The following NCAPD3 variants were observed in gnomAD, a reference collection of about 807,000 sequenced individuals.
The protein encoded by NCAPD3 is non-SMC condensin II complex subunit D3, also known as condensin-2 complex subunit D3.
NCAPD3 carries 105 observed loss-of-function variants against 182.9 expected under a neutral mutation model. That is an observed-to-expected ratio of 0.57 (90% confidence interval 0.49 to 0.68). The LOEUF (loss-of-function observed/expected upper bound fraction) is 0.68. Ranked by LOEUF, NCAPD3 falls within the 30% of genes least tolerant of loss-of-function variation. The probability of loss-of-function intolerance (pLI) is 0.00; values close to 1 mark genes in which losing one functional copy is unlikely to be tolerated. For synonymous variants in NCAPD3, 815 were observed against 679.9 expected, an observed-to-expected ratio of 1.20 and a Z score of -3.09; for missense variants, 1,944 against 1,837.0, an observed-to-expected ratio of 1.06 and a Z score of -1.07.
chr11:134,224,039 C>A, upstream of NCAPD3: 4 of 1,292,754 alleles, frequency 3.1e-6, no homozygotes, highest in Non-Finnish European at 3.2e-6. Flanking sequence ...TCCCACTGGC[C>A]AACCACCGCG....
chr11:134,168,786 T>A, intron 25 of NCAPD3, 131 bp downstream of exon 25: 3 of 1,400,980 alleles, frequency 2.1e-6, no homozygotes, highest in Non-Finnish European at 9.7e-7. Flanking sequence ...TCTTACGCCA[T>A]CCTGCCAAGC....
Position 134,209,221 on chromosome 11 carries a change from T to A in NCAPD3, c.733-15A>T, listed in dbSNP as rs372023607. 1.4e-5 allele frequency: 23 copies of A among 1,611,738 alleles called. No homozygotes were observed. Among genetic ancestry groups the A allele is most frequent in the Non-Finnish European group, 1.9e-5 (22 of 1,178,970 alleles). On this transcript the variant is annotated splice_polypyrimidine_tract_variant and intron_variant, in intron 5 of 34. Transcript: ENST00000534548. ...GAAACAAAGACCTAGAAAACAGATA[T>A]GAAGAAAAGGCCTGATTTTTTCTAC...
Position 134,185,493 on chromosome 11 carries a change from G to C in NCAPD3, c.2079C>G (p.Ser693=), listed in dbSNP as rs929135446. The change falls in exon 17 of 35, where the codon TCC becomes TCG. Residue 693 remains serine, a synonymous_variant. Transcript: ENST00000534548. ...AAGTGGGTGAGAATTTTTCTTTCTTGGACCAGATATGAAAAGCCTTATTTA... is the reference window on the plus strand; with the variant it reads ...AAGTGGGTGAGAATTTTTCTTTCTTCGACCAGATATGAAAAGCCTTATTTA... ...RYLNKAFHIW[S]KKEKFSPTFI... is the part of the protein sequence containing the mutation. The C allele has an allele frequency of 6.2e-7, 1 of 1,608,006 alleles. No homozygotes were observed.
At chr11:134,217,932 C>T (rs948342992) in intron 2 of NCAPD3, among the ~76,000 whole-genome samples, 1 of 151,934 alleles carries the variant, frequency 6.6e-6, no homozygotes, top group Non-Finnish European at 1.5e-5. Context: ...GACCTTGTCT[C>T]CACAAAAAAT....
At position 134,217,095 on chromosome 11, in the gene NCAPD3, T is replaced by C. The variant is rs937324442; in HGVS notation, c.223A>G (p.Ile75Val). 8 of 1,608,536 alleles carry C rather than the reference T, an allele frequency of 5.0e-6. No homozygotes were observed. The highest frequency in any genetic ancestry group is 1.7e-5 in the Admixed American group (1 of 58,828). ...ATGEHGSMES[I>V]WTFFIENNVS... ...TTGTTCTCAATGAAGAAGGTCCAGA[T>C]ACTCTGTGGGGAGACCGCAAATCAC... The change falls in exon 3 of 35, where the codon ATC (isoleucine) becomes GTC (valine). Residue 75 changes from isoleucine to valine, a missense_variant. By Grantham distance (29) the Ile-to-Val change is conservative. Around this residue, in one of 3 missense-constraint regions of NCAPD3, gnomAD observed 131 missense variants for 133.9 expected, o/e 0.98. Coordinates refer to ENST00000534548, the MANE Select transcript of NCAPD3 (RefSeq NM_015261.3).
At chr11:134,194,274 A>G (rs1395453509) in intron 14 of NCAPD3, 124 bp from the exon 15 acceptor site, 2 of 986,232 alleles carry the variant, frequency 2.0e-6, no homozygotes, top group African/African-American at 1.6e-5. Flanking sequence ...CATGGATCCA[A>G]CCTTCCTCCT....
chr11:134,184,672 A>G lies in NCAPD3; in HGVS notation c.2416T>C (p.Cys806Arg). Residue 806 changes from cysteine to arginine, a missense_variant, in exon 19 of 35, where the codon TGT (cysteine) becomes CGT (arginine). Cys to Arg is a radical substitution (Grantham distance 180). Around this residue, in one of 3 missense-constraint regions of NCAPD3, gnomAD observed 1,803 missense variants for 1,674.6 expected, o/e 1.08. Coordinates refer to ENST00000534548, the MANE Select transcript of NCAPD3 (RefSeq NM_015261.3). ...SSAVDALQRL[C>R]RASAETPAEE... ...GCTGGTGTCTCTGCAGATGCTCTAC[A>G]AAGCCTCTGCAAGGCGTCAACAGCT... 6.2e-7 allele frequency: 1 copy of G among 1,613,942 alleles called. No homozygotes were observed. Among genetic ancestry groups the G allele is most frequent in the Non-Finnish European group, 8.5e-7 (1 of 1,179,918 alleles).
intron 18 of NCAPD3, 51 bp downstream of exon 18, chr11:134,184,849 ACCT>A: frequency 2.2e-6 from 3 of 1,377,012 alleles, no homozygotes; most frequent in Non-Finnish European, 3.1e-6. Context: ...ACACACACAC[ACCT>A]GAAATGAACA....
chr11:134,164,387 C>G (rs1163196977), intron 27 of NCAPD3, among the ~76,000 whole-genome samples: 1 of 152,236 alleles, frequency 6.6e-6, no homozygotes, highest in African/African-American at 2.4e-5. Flanking sequence ...GACCTGAGCT[C>G]AGGCTCATGA....
At chr11:134,185,630 C>T in intron 16 of NCAPD3, 104 bp from the exon 17 acceptor site, 1 of 897,140 alleles carries the variant, frequency 1.1e-6, no homozygotes, top group Non-Finnish European at 1.6e-6. Flanking sequence ...TGCTCCAGGA[C>T]TCAAGTGGCA....
At chr11:134,153,262 C>T (rs1943313287) in intron 33 of NCAPD3, 27 bp downstream of exon 33, 1 of 1,613,970 alleles carries the variant, frequency 6.2e-7, no homozygotes, top group East Asian at 2.2e-5. Context: ...GTGCATCTAT[C>T]AGCCCAGAAG....
intron 23 of NCAPD3, 72 bp downstream of exon 23, chr11:134,177,147 T>G (rs917379630): frequency 8.4e-6 from 10 of 1,184,388 alleles, no homozygotes; most frequent in East Asian, 2.4e-5. Context: ...ACATTTCCTA[T>G]GCTACTCAAA....
chr11:134,168,244 G>A (rs1943916885), intron 26 of NCAPD3, 49 bp from the exon 27 acceptor site: 1 of 1,559,290 alleles, frequency 6.4e-7, no homozygotes, highest in African/African-American at 1.4e-5. Flanking sequence ...AAATGCTCTG[G>A]CCCAGAGAGG....
At chr11:134,159,788 A>G (rs1252446566) in intron 29 of NCAPD3, 104 bp downstream of exon 29, 2 of 1,277,086 alleles carry the variant, frequency 1.6e-6, no homozygotes, top group Non-Finnish European at 2.1e-6. Context: ...CGGGCTGACT[A>G]ACCTCTGATG....
At chr11:134,212,179 A>G (rs537485178) in intron 3 of NCAPD3, among the ~76,000 whole-genome samples, 27 of 152,322 alleles carry the variant, frequency 1.8e-4, no homozygotes, top group Non-Finnish European at 2.9e-4. Context: ...CCTGCACTAA[A>G]TGTTTAAAAA....
intron 19 of NCAPD3, among the ~76,000 whole-genome samples, chr11:134,181,694 T>G (rs577804593): frequency 3.3e-5 from 5 of 152,214 alleles, no homozygotes; most frequent in Non-Finnish European, 5.9e-5. Context: ...CTAGTGCACA[T>G]TGGACTGTTC....
intron 32 of NCAPD3, 186 bp from the exon 33 acceptor site, chr11:134,153,549 G>A (rs1176959411): frequency 1.6e-5 from 10 of 640,634 alleles, no homozygotes; most frequent in South Asian, 5.4e-5. Context: ...GCTCCTTTCC[G>A]TCTCTCTGAC....
At chr11:134,165,366 C>A (rs980132281) in intron 27 of NCAPD3, among the ~76,000 whole-genome samples, 1 of 148,834 alleles carries the variant, frequency 6.7e-6, no homozygotes, top group Non-Finnish European at 1.5e-5. Context: ...GGGAAGGGCG[C>A]ACTCGTGAGA....
rs1944590356 is a variant in NCAPD3 at position 134,194,724 on chromosome 11, C to T, written c.1630G>A (p.Ala544Thr). The T allele has an allele frequency of 1.9e-6, 3 of 1,607,012 alleles. No homozygotes were observed. Among genetic ancestry groups the T allele is most frequent in the Admixed American group, 3.4e-5 (2 of 59,016 alleles). Reference protein sequence around the residue: ...TVGSGERCVMAMLRRRIRDEK... With the variant: ...TVGSGERCVMTMLRRRIRDEK... Reference sequence around the variant, plus strand: ...TCCCTGATCCTCCTTCTCAGCATTGCCATGACACATCTTTCTGTAGAGGGA... The same window carrying T: ...TCCCTGATCCTCCTTCTCAGCATTGTCATGACACATCTTTCTGTAGAGGGA... The change falls in exon 14 of 35, where the codon GCA becomes ACA. Residue 544 changes from alanine to threonine, a missense_variant. Physicochemically the swap from Ala to Thr is moderately conservative, Grantham distance 58. Around this residue, in one of 3 missense-constraint regions of NCAPD3, gnomAD observed 1,803 missense variants for 1,674.6 expected, o/e 1.08. Coordinates refer to ENST00000534548, the MANE Select transcript of NCAPD3 (RefSeq NM_015261.3).
Sources: allele counts gnomAD v4.1 joint callset (sites outside exome capture counted in the v4.1 genomes callset), GRCh38; gene constraint gnomAD v4.1.1; regional missense constraint gnomAD v4.1.1; transcripts MANE v1.5; gene names NCBI Gene and HGNC (gene_info 2026-07-23, HGNC 2026-07-21).